Variants in SLC45A4 observed in about 807,000 individuals in gnomAD.
SLC45A4 encodes solute carrier family 45 member 4, also known as polyamine-transporter SLC45A4.
A neutral mutation model predicts 63.7 loss-of-function variants in SLC45A4; 32 were observed. That is an observed-to-expected ratio of 0.50 (90% confidence interval 0.38 to 0.67). The LOEUF (loss-of-function observed/expected upper bound fraction) is 0.67, where lower values mean the gene tolerates loss of function less well. Ranked by LOEUF, SLC45A4 falls within the 30% of genes least tolerant of loss-of-function variation. The probability of loss-of-function intolerance (pLI) is 0.00; values close to 1 mark genes in which losing one functional copy is unlikely to be tolerated. For synonymous variants in SLC45A4, 535 were observed against 510.0 expected, an observed-to-expected ratio of 1.05 and a Z score of -0.66; for missense variants, 1,027 against 1,157.7, an observed-to-expected ratio of 0.89 and a Z score of 1.64.
At chr8:141,287,754 C>T (rs964403594) in intron 1 of SLC45A4, among the ~76,000 whole-genome samples, 5 of 152,184 alleles carry the variant, frequency 3.3e-5, no homozygotes, top group African/African-American at 4.8e-5. Flanking sequence ...AGCAGGCAGC[C>T]GGGTGGAACA....
chr8:141,249,105 C>T (rs1828350552), intron 2 of SLC45A4, among the ~76,000 whole-genome samples: 1 of 151,674 alleles, frequency 6.6e-6, no homozygotes, highest in Non-Finnish European at 1.5e-5. Flanking sequence ...TTGAAAAGGA[C>T]TGACAACACT....
Position 141,221,568 on chromosome 8 carries a change from G to C in SLC45A4, c.430+9C>G. 6.2e-7 allele frequency: 1 copy of C among 1,610,494 alleles called. No individual in the cohort carries two copies. The highest frequency in any genetic ancestry group is 8.5e-7 in the Non-Finnish European group (1 of 1,178,684). On this transcript the variant is annotated intron_variant, in intron 3 of 8. Coordinates refer to ENST00000517878, the MANE Select transcript of SLC45A4 (RefSeq NM_001286646.2). ...TTGTGAGGACACCAGGTGTGGCCGA[G>C]AAACTTACCGATGGCAGAGCCGTTA... is the stretch of plus-strand genomic sequence containing the variant.
chr8:141,218,287 C>CGGCTTGATCAGCACCA lies in SLC45A4; in HGVS notation c.1337_1352dup (p.Ser452GlyfsTer40). ...CGTACAGGTCGCTCATGCTGCGCGA[C>CGGCTTGATCAGCACCA]GGCTTGATCAGCACCACGGCGTTGG... On this transcript the variant is annotated frameshift_variant, in exon 5 of 9. Transcript: ENST00000517878. LOFTEE classifies it high-confidence loss of function. 4 of 1,605,034 alleles carry CGGCTTGATCAGCACCA rather than the reference C, an allele frequency of 2.5e-6. No homozygotes were observed. The highest frequency in any genetic ancestry group is 3.4e-6 in the Non-Finnish European group (4 of 1,179,836).
At chr8:141,280,094 A>T (rs1829878569) in intron 1 of SLC45A4, among the ~76,000 whole-genome samples, 1 of 152,150 alleles carries the variant, frequency 6.6e-6, no homozygotes, top group Admixed American at 6.5e-5. Context: ...ACCTCCTTGC[A>T]CCCAGCACCA....
chr8:141,303,266 G>A (rs1346332204), intron 1 of SLC45A4, among the ~76,000 whole-genome samples: 4 of 151,572 alleles, frequency 2.6e-5, no homozygotes, highest in African/African-American at 9.7e-5. Flanking sequence ...TAAAGTGCTG[G>A]GACTATAGGC....
intron 1 of SLC45A4, among the ~76,000 whole-genome samples, chr8:141,275,592 T>G (rs556798891): frequency 4.7e-4 from 70 of 150,350 alleles, no homozygotes; most frequent in Non-Finnish European, 8.3e-4. Context: ...CTGGGCAATA[T>G]AGTGAGACCC....
chr8:141,307,985 G>A (rs1313909874), intron 1 of SLC45A4, 111 bp downstream of exon 1: 1 of 151,204 alleles, frequency 6.6e-6, no homozygotes, highest in Non-Finnish European at 1.5e-5. Context: ...ACCCGACCTG[G>A]AGGCCGAGGC....
chr8:141,252,301 G>C (rs79613304), intron 2 of SLC45A4: 1 of 154,052 alleles, frequency 6.5e-6, no homozygotes, highest in Admixed American at 6.5e-5. Flanking sequence ...CTGCTGCCCG[G>C]TAATCTGGAA....
Position 141,210,475 on chromosome 8 carries a change from G to C in SLC45A4, c.*1097C>G, listed in dbSNP as rs1420141115. 1 of 152,252 alleles carries C rather than the reference G, an allele frequency of 6.6e-6. No individual in the cohort carries two copies. The highest frequency in any genetic ancestry group is 2.4e-5 in the African/African-American group (1 of 41,466). The allele number at this position is 152,252 out of a possible 1,614,324, so 9.4% of individuals were successfully genotyped here. ...GATCCTGGGACACCGTGGCCTGGCA[G>C]ACACACCGTGCGTGAGCAGGTACCC... On this transcript the variant is annotated 3_prime_UTR_variant, in exon 9 of 9. Coordinates refer to ENST00000517878, the MANE Select transcript of SLC45A4 (RefSeq NM_001286646.2).
At chr8:141,268,633 G>A (rs1395884620) in intron 1 of SLC45A4, among the ~76,000 whole-genome samples, 1 of 152,182 alleles carries the variant, frequency 6.6e-6, no homozygotes, top group Admixed American at 6.5e-5. Flanking sequence ...GATTTTCAAT[G>A]TTGTGTCCTT....
At chr8:141,249,506 G>A (rs73364495) in intron 2 of SLC45A4, among the ~76,000 whole-genome samples, 7 of 152,098 alleles carry the variant, frequency 4.6e-5, no homozygotes, top group African/African-American at 1.2e-4. Flanking sequence ...ATCAATTCCC[G>A]AACAGGCAGC....
At chr8:141,249,151 C>A (rs1191002592) in intron 2 of SLC45A4, among the ~76,000 whole-genome samples, 1 of 152,122 alleles carries the variant, frequency 6.6e-6, no homozygotes, top group Non-Finnish European at 1.5e-5. Context: ...TGGGAACTGT[C>A]CTACGCTGCA....
Position 141,222,637 on chromosome 8 carries a change from T to C in SLC45A4, c.242-872A>G, listed in dbSNP as rs374231228. 1.8e-3 allele frequency among the ~76,000 whole-genome samples: 267 copies of C among 152,276 alleles called. 3 individuals are homozygous for C. Among genetic ancestry groups the C allele is most frequent in the African/African-American group, 6.1e-3 (255 of 41,554 alleles). On this transcript the variant is annotated intron_variant, in intron 2 of 8. Transcript: ENST00000517878. ...CATCACCAACCAGGCGGGCAAACAGTGTCGGCAGTCACAAGCACCACAGCA... is the reference window on the plus strand; with the variant it reads ...CATCACCAACCAGGCGGGCAAACAGCGTCGGCAGTCACAAGCACCACAGCA...
chr8:141,263,904 C>A (rs1057433272), intron 1 of SLC45A4, among the ~76,000 whole-genome samples: 2 of 152,074 alleles, frequency 1.3e-5, no homozygotes, highest in African/African-American at 2.4e-5. Flanking sequence ...GGTGGAACTG[C>A]AGGGGACAGC....
At chr8:141,302,083 G>T (rs1401109110) in intron 1 of SLC45A4, among the ~76,000 whole-genome samples, 1 of 152,078 alleles carries the variant, frequency 6.6e-6, no homozygotes. Flanking sequence ...TTTTAAAAGG[G>T]TGACTGATGG....
intron 2 of SLC45A4, among the ~76,000 whole-genome samples, chr8:141,234,061 T>A (rs374967340): frequency 3.0e-4 from 46 of 152,354 alleles, no homozygotes; most frequent in East Asian, 2.9e-3. Context: ...CCTGAACAGC[T>A]CACTGTTGGC....
Position 141,281,151 on chromosome 8 carries a change from C to T in SLC45A4, c.-400-26522G>A, listed in dbSNP as rs557713996. On this transcript the variant is annotated intron_variant, in intron 1 of 8. Coordinates refer to ENST00000517878, the MANE Select transcript of SLC45A4 (RefSeq NM_001286646.2). ...GTCAGAAGTTCGAGACCAGCCTGGC[C>T]AACATAGTGAAACCCTGTCTCTACT... is the stretch of plus-strand genomic sequence containing the variant. 3.3e-5 allele frequency among the ~76,000 whole-genome samples: 5 copies of T among 152,292 alleles called. No homozygotes were observed. The East Asian group carries it at 9.6e-4, about 29-fold the overall frequency.
In SLC45A4 at chr8:141,227,625, C is replaced by A. The variant is rs554402969; in HGVS notation, c.242-5860G>T. Reference sequence around the variant, plus strand: ...CCGGGGGAGCCGGGCCCCCAGGGCTCGGGCCACCTGCTTGCAAGAGGGGAA... The same window carrying A: ...CCGGGGGAGCCGGGCCCCCAGGGCTAGGGCCACCTGCTTGCAAGAGGGGAA... On this transcript the variant is annotated intron_variant, in intron 2 of 8. Transcript: ENST00000517878. The surrounding 1 kb of genome is among the most constrained non-coding windows in gnomAD (Gnocchi z 4.4). Among the ~76,000 whole-genome samples the A allele has an allele frequency of 6.6e-6, 1 of 152,206 alleles. No homozygotes were observed. The highest frequency in any genetic ancestry group is 3.4e-3 in the Middle Eastern group (1 of 294).
intron 1 of SLC45A4, among the ~76,000 whole-genome samples, 200 bp downstream of exon 1, chr8:141,307,896 G>T (rs1365671097): frequency 6.8e-6 from 1 of 147,846 alleles, no homozygotes; most frequent in Non-Finnish European, 1.5e-5. Flanking sequence ...GAATTGGGGG[G>T]CCCTGAGGAG....
Sources: allele counts gnomAD v4.1 joint callset (sites outside exome capture counted in the v4.1 genomes callset), GRCh38; gene constraint gnomAD v4.1.1; non-coding constraint Gnocchi (gnomAD v3.1); transcripts MANE v1.5; gene names NCBI Gene and HGNC (gene_info 2026-07-23, HGNC 2026-07-21).